ACOXL: variants seen among roughly 807,000 people sequenced by gnomAD.
ACOXL encodes the protein acyl-coenzyme A oxidase-like protein.
A neutral mutation model predicts 71.9 loss-of-function variants in ACOXL; 70 were observed. The ratio of observed to expected loss-of-function variants is 0.97; its 90% CI spans 0.80 to 1.19. The LOEUF (loss-of-function observed/expected upper bound fraction) is 1.19, where lower values mean the gene tolerates loss of function less well. Among genes scored for constraint, ACOXL ranks in the 50% most tolerant of loss-of-function variants. The pLI, the probability that ACOXL is intolerant of heterozygous loss-of-function variation, is 0.00. For missense variants in ACOXL, 703 were observed against 736.3 expected (o/e 0.95, Z 0.52); for synonymous variants, 253 against 281.6 (o/e 0.90, Z 1.02).
intron 10 of ACOXL, among the ~76,000 whole-genome samples, chr2:110,869,048 C>T (rs1165843758): frequency 6.6e-6 from 1 of 152,174 alleles, no homozygotes; most frequent in African/African-American, 2.4e-5. Context: ...ACTCTGAGCA[C>T]CTTAACTACA....
At chr2:111,030,019 T>A (rs182835438) in intron 14 of ACOXL, among the ~76,000 whole-genome samples, 1 of 151,902 alleles carries the variant, frequency 6.6e-6, no homozygotes, top group Non-Finnish European at 1.5e-5. Context: ...ATCAGGCCAG[T>A]GAAAAACTTA....
intron 2 of ACOXL, 73 bp from the exon 3 acceptor site, chr2:110,784,659 T>G: frequency 8.4e-7 from 1 of 1,189,510 alleles, no homozygotes; most frequent in East Asian, 2.7e-5. Context: ...CATGCATTTC[T>G]TATAAAAACT....
At chr2:111,031,799 C>A in intron 15 of ACOXL, 85 bp downstream of exon 15, 1 of 1,341,266 alleles carries the variant, frequency 7.5e-7, no homozygotes. Flanking sequence ...AGGGAAAGGA[C>A]AGTCCCAACA....
At chr2:111,096,083 A>G (rs1388452586) in intron 17 of ACOXL, among the ~76,000 whole-genome samples, 1 of 152,186 alleles carries the variant, frequency 6.6e-6, no homozygotes, top group East Asian at 1.9e-4. Flanking sequence ...GGCTGGGCTG[A>G]TTGGTATTAC....
chr2:110,856,318 T>C (rs538467826), intron 10 of ACOXL, among the ~76,000 whole-genome samples: 1 of 152,284 alleles, frequency 6.6e-6, no homozygotes, highest in South Asian at 2.1e-4. Context: ...CTTGTCCAGG[T>C]TACCCACCCG....
intron 10 of ACOXL, among the ~76,000 whole-genome samples, chr2:110,859,115 T>C (rs1533297): frequency 0.65 from 99,117 of 152,204 alleles, 32,565 homozygotes; most frequent in Middle Eastern, 0.72. Context: ...GCCTGGGCTT[T>C]GTAAAATGTT....
At chr2:111,073,861 T>C (rs140716835) in intron 16 of ACOXL, among the ~76,000 whole-genome samples, 45 of 152,328 alleles carry the variant, frequency 3.0e-4, no homozygotes, top group Non-Finnish European at 4.7e-4. Context: ...AATTAACAAA[T>C]GTACTATGTT....
rs75863756 is a variant in ACOXL, at chr2:110,889,660, A to G, written c.789-19129A>G. Among the ~76,000 whole-genome samples, 307 of 152,334 alleles carry G rather than the reference A, an allele frequency of 2.0e-3. 2 individuals carry two copies. Among genetic ancestry groups the G allele is most frequent in the African/African-American group, 7.2e-3 (299 of 41,574 alleles). On this transcript the variant is annotated intron_variant, in intron 10 of 17. Transcript: ENST00000439055. Reference sequence around the variant, plus strand: ...TTTCCAGATTCAAGTGTGTCACAGCATGTATTGGAATTTCATTTCTTTTTA... The same window carrying G: ...TTTCCAGATTCAAGTGTGTCACAGCGTGTATTGGAATTTCATTTCTTTTTA...
In ACOXL at chr2:110,943,164, A is replaced by T. The variant is rs1212722889; in HGVS notation, c.1059+9522A>T. On this transcript the variant is annotated intron_variant, in intron 12 of 17. Coordinates refer to ENST00000439055, the MANE Select transcript of ACOXL (RefSeq NM_001142807.4). ...GAAGGAAGAAAGAGAAAGAAAAAGA[A>T]AAAGGGAGGGAGGGAAAGAAGGAAG... 9.0e-5 allele frequency among the ~76,000 whole-genome samples: 4 copies of T among 44,594 alleles called. No homozygotes were observed. The Admixed American group carries it at 1.1e-3, about 12-fold the overall frequency. 29.3% of individuals were successfully genotyped at this position (44,594 alleles called of 152,430 possible).
chr2:111,070,652 TA>T (rs200414659), intron 16 of ACOXL, among the ~76,000 whole-genome samples: 8 of 148,456 alleles, frequency 5.4e-5, no homozygotes, highest in Admixed American at 2.0e-4. Flanking sequence ...AAATAAAAGT[TA>T]AAAAAAAAAG....
At chr2:110,772,764 A>G (rs559704857) in intron 2 of ACOXL, among the ~76,000 whole-genome samples, 28 of 152,298 alleles carry the variant, frequency 1.8e-4, no homozygotes, top group Admixed American at 3.3e-4. Context: ...TGTGTCCCCA[A>G]TACCCTTTCA....
At chr2:111,083,897 T>A (rs2068062358) in intron 16 of ACOXL, among the ~76,000 whole-genome samples, 1 of 152,196 alleles carries the variant, frequency 6.6e-6, no homozygotes, top group African/African-American at 2.4e-5. Context: ...ATAAAATACC[T>A]TATAGTGTCT....
At chr2:110,900,110 C>T (rs113122861) in intron 10 of ACOXL, among the ~76,000 whole-genome samples, 3 of 80,412 alleles carry the variant, frequency 3.7e-5, no homozygotes, top group Non-Finnish European at 7.0e-5. Context: ...CACACACACA[C>T]ACACACACAC....
chr2:110,980,179 A>G (rs1486799268), intron 12 of ACOXL, among the ~76,000 whole-genome samples: 3 of 152,218 alleles, frequency 2.0e-5, no homozygotes, highest in Admixed American at 6.5e-5. Flanking sequence ...AACTGGGACC[A>G]TCACCTGTAC....
At chr2:110,779,226 G>A (rs1010208553) in intron 2 of ACOXL, among the ~76,000 whole-genome samples, 5 of 152,200 alleles carry the variant, frequency 3.3e-5, no homozygotes, top group South Asian at 2.1e-4. Flanking sequence ...ACAGAAGTAC[G>A]TGGCTACAGC....
At chr2:110,758,048 C>T (rs1449682827) in intron 1 of ACOXL, among the ~76,000 whole-genome samples, 1 of 151,974 alleles carries the variant, frequency 6.6e-6, no homozygotes, top group Non-Finnish European at 1.5e-5. Flanking sequence ...GTCTTTAATC[C>T]AACTTGAGTT....
intron 10 of ACOXL, among the ~76,000 whole-genome samples, chr2:110,893,099 G>GA (rs965601997): frequency 9.2e-5 from 14 of 152,096 alleles, no homozygotes; most frequent in African/African-American, 3.1e-4. Context: ...CTTCTAATAG[G>GA]AAAAAATCCC....
Position 110,812,172 on chromosome 2 carries a change from A to G in ACOXL, c.753+6777A>G, listed in dbSNP as rs1465405017. ...AGAGTTATTTTGACAACTCTTCAGG[A>G]TATAATTTGACTCATAAACCTCTTT... On this transcript the variant is annotated intron_variant, in intron 9 of 17. Coordinates refer to ENST00000439055, the MANE Select transcript of ACOXL (RefSeq NM_001142807.4). Among the ~76,000 whole-genome samples the G allele has an allele frequency of 4.1e-4, 62 of 152,226 alleles. 2 individuals are homozygous for G. The highest frequency in any genetic ancestry group is 4.1e-3 in the Admixed American group (62 of 15,280).
intron 12 of ACOXL, chr2:110,967,733 C>G (rs975500255): frequency 5.9e-6 from 3 of 504,544 alleles, no homozygotes; most frequent in Non-Finnish European, 1.1e-5. Flanking sequence ...AACACAACTA[C>G]TAGACAGCAA....
Sources: allele counts gnomAD v4.1 joint callset (sites outside exome capture counted in the v4.1 genomes callset), GRCh38; gene constraint gnomAD v4.1.1; transcripts MANE v1.5; gene names NCBI Gene and HGNC (gene_info 2026-07-23, HGNC 2026-07-21).